Variants in CCDC110 observed in about 807,000 individuals in gnomAD.
CCDC110 encodes the protein coiled-coil domain-containing protein 110.
CCDC110 carries 70 observed loss-of-function variants against 77.1 expected under a neutral mutation model. That is an observed-to-expected ratio of 0.91 (90% CI 0.75 to 1.11). The LOEUF is 1.11. Among genes scored for constraint, CCDC110 ranks in the 50% least tolerant of loss-of-function variants. CCDC110 has a pLI of 0.00. For synonymous variants in CCDC110, 295 were observed against 312.5 expected (o/e 0.94, Z 0.59); for missense variants, 868 against 942.9 (o/e 0.92, Z 1.04).
At chr4:185,471,503 G>T (rs1361674935) in intron 1 of CCDC110, 171 bp downstream of exon 1, 3 of 651,990 alleles carry the variant, frequency 4.6e-6, no homozygotes, top group Admixed American at 6.8e-5. Flanking sequence ...CGGACGCAGG[G>T]GGCCGCAGCG....
chr4:185,459,990 G>A lies in CCDC110; in HGVS notation c.597C>T (p.Asn199=). Residue 199 remains asparagine (N), a synonymous_variant, in exon 6 of 7, where the codon AAC becomes AAT. Coordinates refer to ENST00000307588, the MANE Select transcript of CCDC110 (RefSeq NM_152775.4). ...ENSDILKNYN[N]FYRFLPTAPP... Reference sequence around the variant, plus strand: ...GTGCAGTAGGTAGAAAACGATAAAAGTTATTATAATTCTTCAAGATGTCAG... The same window carrying A: ...GTGCAGTAGGTAGAAAACGATAAAAATTATTATAATTCTTCAAGATGTCAG... 1.9e-6 allele frequency: 3 copies of A among 1,613,560 alleles called. No homozygotes were observed. Among genetic ancestry groups the A allele is most frequent in the Non-Finnish European group, 2.5e-6 (3 of 1,179,698 alleles).
intron 3 of CCDC110, 51 bp from the exon 4 acceptor site, chr4:185,462,759 A>G (rs2095648739): frequency 1.4e-6 from 2 of 1,440,770 alleles, no homozygotes; most frequent in Admixed American, 3.4e-5. Context: ...AGGTAAACGT[A>G]TTCTTGAATT....
rs1218677882 is a variant in CCDC110 at position 185,445,323 on chromosome 4, TC to T, written c.*178del. 20 of 719,558 alleles carry T rather than the reference TC, an allele frequency of 2.8e-5. No homozygotes were observed. The highest frequency in any genetic ancestry group is 5.4e-5 in the African/African-American group (3 of 56,074). The allele number at this position is 719,558 out of a possible 1,614,324, so 44.6% of individuals were successfully genotyped here. A position where few individuals can be genotyped will look rare whatever the true frequency, so the allele number is the denominator to read the frequency against. Reference sequence around the variant, plus strand: ...GAAGTTCTCCCCCATCTTCTGAAATTCCCAGCTGAGAAAGCTTAAGTTATCT... The same window carrying T: ...GAAGTTCTCCCCCATCTTCTGAAATTCCAGCTGAGAAAGCTTAAGTTATCT... On this transcript the variant is annotated 3_prime_UTR_variant, in exon 7 of 7. Transcript: ENST00000307588.
chr4:185,445,616 A>G, intron 6 of CCDC110, 74 bp from the exon 7 acceptor site: 1 of 960,646 alleles, frequency 1.0e-6, no homozygotes, highest in South Asian at 1.6e-5. Context: ...AAAGTATATT[A>G]TCAAGGTATC....
In CCDC110 at chr4:185,458,699, G is replaced by C. The variant is rs775158306; in HGVS notation, c.1888C>G (p.Leu630Val). Residue 630 changes from leucine (L) to valine (V), a missense_variant, in exon 6 of 7, where the codon CTT becomes GTT. Leu to Val is a conservative substitution (Grantham distance 32). Transcript: ENST00000307588. Reference protein sequence around the residue: ...ERLAKTEQETLLQIIETVKDE... With the variant: ...ERLAKTEQETVLQIIETVKDE... ...TTAACTGTTTCTATTATTTGAAGAAGTGTCTCTTGTTCCGTTTTTGCCAAT... is the reference window on the plus strand; with the variant it reads ...TTAACTGTTTCTATTATTTGAAGAACTGTCTCTTGTTCCGTTTTTGCCAAT... The C allele has an allele frequency of 1.2e-6, 2 of 1,604,094 alleles. No homozygotes were observed. The highest frequency in any genetic ancestry group is 2.2e-5 in the East Asian group (1 of 44,704).
intron 6 of CCDC110, among the ~76,000 whole-genome samples, chr4:185,450,355 T>C (rs1156659577): frequency 6.6e-6 from 1 of 152,210 alleles, no homozygotes; most frequent in East Asian, 1.9e-4. Flanking sequence ...CATGTTCCTC[T>C]CTAGCTGTCA....
rs1398392233 is a variant in CCDC110 at position 185,453,873 on chromosome 4, G to A, written c.2461+4253C>T. 2.7e-5 allele frequency among the ~76,000 whole-genome samples: 4 copies of A among 150,642 alleles called. No individual in the cohort carries two copies. The East Asian group carries it at 7.8e-4, about 29-fold the overall frequency. The stretch of plus-strand genomic sequence containing the variant: ...TTGTTGCACAGGCTGGAGTGCAATG[G>A]TGTGATCTCGGCTCACTGCAACCTC... On this transcript the variant is annotated intron_variant, in intron 6 of 6. Coordinates refer to ENST00000307588, the MANE Select transcript of CCDC110 (RefSeq NM_152775.4).
intron 2 of CCDC110, 101 bp downstream of exon 2, chr4:185,470,844 C>T (rs969703976): frequency 2.3e-6 from 2 of 861,104 alleles, no homozygotes; most frequent in Non-Finnish European, 4.0e-6. Context: ...CTGTCCGTGT[C>T]ATCACGGCCG....
At position 185,459,118 on chromosome 4, in the gene CCDC110, A is replaced by ATAG; in HGVS notation, c.1466_1468dup (p.Thr489dup). On this transcript the variant is annotated inframe_insertion, in exon 6 of 7. Transcript: ENST00000307588. ...TTCTGTTTTACTTAACTTAGACTGA[A>ATAG]TAGTACTCTTTTCTTCAACCAGATT... 1 of 1,594,278 alleles carries ATAG rather than the reference A, an allele frequency of 6.3e-7. No homozygotes were observed. Among genetic ancestry groups the ATAG allele is most frequent in the South Asian group, 1.1e-5 (1 of 88,414 alleles).
intron 2 of CCDC110, among the ~76,000 whole-genome samples, chr4:185,466,475 T>TG (rs1207942935): frequency 6.6e-6 from 1 of 152,082 alleles, no homozygotes; most frequent in Non-Finnish European, 1.5e-5. Context: ...GAATGGAATG[T>TG]GGAGATTGGT....
At chr4:185,457,645 A>G (rs929243049) in intron 6 of CCDC110, 4 of 626,982 alleles carry the variant, frequency 6.4e-6, no homozygotes, top group Non-Finnish European at 2.5e-6. Flanking sequence ...CTTAATTCCA[A>G]TTTCTAATTT....
intron 2 of CCDC110, among the ~76,000 whole-genome samples, chr4:185,467,054 C>T (rs1038413235): frequency 6.6e-6 from 1 of 152,042 alleles, no homozygotes; most frequent in Non-Finnish European, 1.5e-5. Context: ...ATGAGTGGAG[C>T]GGCCAGGGAG....
At chr4:185,471,253 G>A (rs531380216) in intron 1 of CCDC110, 2 of 86,416 alleles carry the variant, frequency 2.3e-5, no homozygotes, top group African/African-American at 9.0e-5. Context: ...GAGGGGGCGG[G>A]TTTGAAGGCT....
In CCDC110 at chr4:185,445,517, A is replaced by G. The variant is rs75681457; in HGVS notation, c.2487T>C (p.Thr829=). ...LKGYFKVKDR[T]LKHH ...TTGAGGAATCCTAATGATGCTTGAG[A>G]GTTCTGTCTTTAACTTTGAAATAAC... Residue 829 remains threonine, a synonymous_variant, in exon 7 of 7, where the codon ACT becomes ACC. Transcript: ENST00000307588. 12,141 of 1,578,428 alleles carry G rather than the reference A, an allele frequency of 7.7e-3. 236 individuals carry two copies. The highest frequency in any genetic ancestry group is 0.05 in the South Asian group (4,368 of 87,616).
chr4:185,455,997 C>G (rs2095635482), intron 6 of CCDC110, among the ~76,000 whole-genome samples: 1 of 152,090 alleles, frequency 6.6e-6, no homozygotes, highest in Admixed American at 6.6e-5. Flanking sequence ...TTAGAACAAG[C>G]AGACACAAGA....
At chr4:185,447,869 T>G (rs1052771297) in intron 6 of CCDC110, among the ~76,000 whole-genome samples, 1 of 152,214 alleles carries the variant, frequency 6.6e-6, no homozygotes, top group Non-Finnish European at 1.5e-5. Context: ...AAATCACTAA[T>G]GTATGAGATG....
At chr4:185,465,934 A>G (rs1047410281) in intron 2 of CCDC110, among the ~76,000 whole-genome samples, 4 of 152,214 alleles carry the variant, frequency 2.6e-5, no homozygotes, top group African/African-American at 9.6e-5. Context: ...TACTGGGGGA[A>G]AACAGTAGAG....
Position 185,460,081 on chromosome 4 carries a change from G to A in CCDC110, c.506C>T (p.Thr169Ile). The change falls in exon 6 of 7, where the codon ACA becomes ATA. Residue 169 changes from threonine (T) to isoleucine (I), a missense_variant. By Grantham distance (89) the Thr-to-Ile change is moderately conservative. Transcript: ENST00000307588. ...GTCTGTTGAAGTTCTCAGAGTTAAT[G>A]TGTCCTCGGAATGTATCTGGGATGG... Reference protein sequence around the residue: ...NVPSQIHSEDTLTLRTSTDNL... With the variant: ...NVPSQIHSEDILTLRTSTDNL... The A allele has an allele frequency of 2.5e-6, 4 of 1,613,804 alleles. No individual in the cohort carries two copies. Among genetic ancestry groups the A allele is most frequent in the Non-Finnish European group, 3.4e-6 (4 of 1,179,904 alleles).
At chr4:185,447,337 A>G (rs1378821278) in intron 6 of CCDC110, among the ~76,000 whole-genome samples, 1 of 151,596 alleles carries the variant, frequency 6.6e-6, no homozygotes, top group African/African-American at 2.4e-5. Context: ...GCCCGCCACC[A>G]CGCCCGGCTA....
Sources: allele counts gnomAD v4.1 joint callset (sites outside exome capture counted in the v4.1 genomes callset), GRCh38; gene constraint gnomAD v4.1.1; transcripts MANE v1.5; gene names NCBI Gene and HGNC (gene_info 2026-07-23, HGNC 2026-07-21).